Variants in HHIPL1 observed in about 807,000 individuals in gnomAD.
HHIPL1 encodes HHIP-like protein 1.
A neutral mutation model predicts 61.8 loss-of-function variants in HHIPL1; 43 were observed. That is an observed-to-expected ratio of 0.70 (90% CI 0.55 to 0.90). HHIPL1 has a LOEUF of 0.90. Ranked by LOEUF, HHIPL1 falls within the 40% of genes least tolerant of loss-of-function variation. The pLI is 0.00. For missense variants in HHIPL1, 1,056 were observed against 1,157.7 expected (o/e 0.91, Z 1.28); for synonymous variants, 482 against 515.8 (o/e 0.93, Z 0.89).
rs1012353935 is a variant in HHIPL1, at chr14:99,678,787, A to G, written c.*3161A>G. On this transcript the variant is annotated 3_prime_UTR_variant, in exon 9 of 9. Transcript: ENST00000330710. ...TACTATGTGCCTGTGAGCACGTCTA[A>G]CAGTTACATAGAATAGGGCTTGACA... 5 of 152,390 alleles carry G rather than the reference A, an allele frequency of 3.3e-5. No homozygotes were observed. The highest frequency in any genetic ancestry group is 2.6e-4 in the Admixed American group (4 of 15,312). 9.4% of individuals were successfully genotyped at this position (152,390 alleles called of 1,614,324 possible).
chr14:99,615,674 A>G, the HHIPL1 span, among the ~76,000 whole-genome samples: 1 of 151,554 alleles, frequency 6.6e-6, no homozygotes, highest in Non-Finnish European at 1.5e-5. Context: ...AGAAAAAGAA[A>G]GAAGGAAGGA....
At chr14:99,665,969 A>T (rs1184714225) in intron 6 of HHIPL1, among the ~76,000 whole-genome samples, 1 of 151,540 alleles carries the variant, frequency 6.6e-6, no homozygotes, top group Non-Finnish European at 1.5e-5. Flanking sequence ...TTTAGTAGAG[A>T]TGGGGTTTCA....
chr14:99,646,433 C>A (rs1245636334), intron 1 of HHIPL1, among the ~76,000 whole-genome samples: 2 of 152,358 alleles, frequency 1.3e-5, no homozygotes, highest in East Asian at 1.9e-4. Flanking sequence ...GGCTCTGTCA[C>A]TTCCCCAGCT....
Position 99,659,343 on chromosome 14 carries a change from C to T in HHIPL1, c.1047-85C>T, listed in dbSNP as rs565775119. ...CCCTGCACCTGGCTCAGCGGTCAGC[C>T]GGCGCCCCAGCACCTGCCCCGCGGA... On this transcript the variant is annotated intron_variant, in intron 3 of 8. Transcript: ENST00000330710. 160 of 1,127,044 alleles carry T rather than the reference C, an allele frequency of 1.4e-4. No individual in the cohort carries two copies. The African/African-American group carries it at 2.6e-3, about 18-fold the overall frequency. The allele number at this position is 1,127,044 out of a possible 1,614,324, so 69.8% of individuals were successfully genotyped here. A position where few individuals can be genotyped will look rare whatever the true frequency, so the allele number is the denominator to read the frequency against.
chr14:99,661,195 G>A (rs1040662055), intron 5 of HHIPL1, among the ~76,000 whole-genome samples: 1 of 152,176 alleles, frequency 6.6e-6, no homozygotes, highest in Non-Finnish European at 1.5e-5. Flanking sequence ...CCAAGGGCAG[G>A]CTGAGACGGC....
chr14:99,636,113 G>T, the HHIPL1 span, among the ~76,000 whole-genome samples: 2 of 152,292 alleles, frequency 1.3e-5, no homozygotes, highest in South Asian at 2.1e-4. Flanking sequence ...ACTAGCTGTT[G>T]TCACCTCTCT....
rs2140075860 is a variant in HHIPL1, at chr14:99,660,267, T to C, written c.1376-13T>C. 6.2e-7 allele frequency: 1 copy of C among 1,611,862 alleles called. No homozygotes were observed. Among genetic ancestry groups the C allele is most frequent in the East Asian group, 2.2e-5 (1 of 44,724 alleles). ...GCTGGCTCACCGAAGCTTCTCTCCC[T>C]CCCACCCCGCAGATGACTTGCTGCC... On this transcript the variant is annotated splice_polypyrimidine_tract_variant and intron_variant, in intron 4 of 8. Coordinates refer to ENST00000330710, the MANE Select transcript of HHIPL1 (RefSeq NM_001127258.3). This position sits in a 1 kb window ranked among gnomAD's most constrained non-coding sequence, Gnocchi z 4.9.
At chr14:99,639,070 C>T in the HHIPL1 span, among the ~76,000 whole-genome samples, 1 of 152,362 alleles carries the variant, frequency 6.6e-6, no homozygotes, top group African/African-American at 2.4e-5. Context: ...TAATAAGATG[C>T]CTAGCACGTG....
chr14:99,622,578 CCCAACCTGTCTGGCTCCCA>C, the HHIPL1 span, among the ~76,000 whole-genome samples: 1 of 152,218 alleles, frequency 6.6e-6, no homozygotes, highest in Non-Finnish European at 1.5e-5. Context: ...CCATGCTCCC[CCCAACCTGTCTGGCTCCCA>C]CCAAACCCCA....
At chr14:99,673,921 G>A (rs1382986040) in intron 8 of HHIPL1, among the ~76,000 whole-genome samples, 2 of 144,738 alleles carry the variant, frequency 1.4e-5, no homozygotes, top group Admixed American at 6.8e-5. Context: ...CTGGCACCAA[G>A]AGGGAGGTTC....
In HHIPL1 at chr14:99,678,673, A is replaced by C. The variant is rs2056412963; in HGVS notation, c.*3047A>C. On this transcript the variant is annotated 3_prime_UTR_variant, in exon 9 of 9. Coordinates refer to ENST00000330710, the MANE Select transcript of HHIPL1 (RefSeq NM_001127258.3). ...CTTAGAAAAGTAATAATATTCCCAA[A>C]TAAGGAAGGGGTATAGGCTGTGAGC... 6.6e-6 allele frequency: 1 copy of C among 152,252 alleles called. No homozygotes were observed. The highest frequency in any genetic ancestry group is 1.5e-5 in the Non-Finnish European group (1 of 68,042). 9.4% of individuals were successfully genotyped at this position (152,252 alleles called of 1,614,324 possible).
chr14:99,656,846 AGG>A (rs1566809964), intron 2 of HHIPL1, among the ~76,000 whole-genome samples, 152 bp from the exon 3 acceptor site: 1,249 of 14,398 alleles, frequency 0.087, 286 homozygotes, highest in South Asian at 0.13. Context: ...AAAGGAAGGA[AGG>A]AAGGAAGGAA....
Position 99,670,461 on chromosome 14 carries a change from T to C in HHIPL1, c.1731-1856T>C, listed in dbSNP as rs1162337733. On this transcript the variant is annotated intron_variant, in intron 7 of 8. Coordinates refer to ENST00000330710, the MANE Select transcript of HHIPL1 (RefSeq NM_001127258.3). ...TTCTAGTTGTTCCCCAATGCCCTTT[T>C]CCTGTTCCAGGATCCTGTGTTGCCT... Among the ~76,000 whole-genome samples, 4 of 152,244 alleles carry C rather than the reference T, an allele frequency of 2.6e-5. No individual in the cohort carries two copies. In the South Asian group the frequency reaches 6.2e-4, roughly 24 times the overall value.
rs748601832 is a variant in HHIPL1 at position 99,679,269 on chromosome 14, C to T, written c.*3643C>T. 1 of 152,266 alleles carries T rather than the reference C, an allele frequency of 6.6e-6. No homozygotes were observed. The highest frequency in any genetic ancestry group is 2.4e-5 in the African/African-American group (1 of 41,444). The allele number at this position is 152,266 out of a possible 1,614,324, so 9.4% of individuals were successfully genotyped here. A position where few individuals can be genotyped will look rare whatever the true frequency, so the allele number is the denominator to read the frequency against. On this transcript the variant is annotated 3_prime_UTR_variant, in exon 9 of 9. Coordinates refer to ENST00000330710, the MANE Select transcript of HHIPL1 (RefSeq NM_001127258.3). ...TTTCACTCCACCACCTACAGCTGGC[C>T]GCTGAGGGAGCATTCACATGTGACT... is the stretch of plus-strand genomic sequence containing the variant.
upstream of HHIPL1, among the ~76,000 whole-genome samples, chr14:99,644,442 G>T (rs1391665428): frequency 1.4e-5 from 2 of 144,874 alleles, no homozygotes; most frequent in African/African-American, 5.2e-5. Flanking sequence ...GTAAGACAGC[G>T]TGTGTGCGTC....
the HHIPL1 span, among the ~76,000 whole-genome samples, chr14:99,637,209 A>C: frequency 1.3e-5 from 1 of 77,464 alleles, no homozygotes; most frequent in Non-Finnish European, 2.9e-5. Context: ...AGGAAGAAAG[A>C]AAGAAAGAAA....
At chr14:99,642,756 C>T (rs1315775118), upstream of HHIPL1, among the ~76,000 whole-genome samples, 1 of 151,920 alleles carries the variant, frequency 6.6e-6, no homozygotes. Context: ...GATCTCCTGA[C>T]ATCGTGATCC....
At chr14:99,671,371 G>A (rs909726220) in intron 7 of HHIPL1, among the ~76,000 whole-genome samples, 6 of 152,170 alleles carry the variant, frequency 3.9e-5, no homozygotes, top group African/African-American at 1.2e-4. Flanking sequence ...GGAGGTCAGA[G>A]CAAGAAAAAA....
chr14:99,680,254 T>TC lies in HHIPL1; in HGVS notation c.*4632dup, dbSNP rs35599432. The TC allele has an allele frequency of 0.67, 102,496 of 152,070 alleles. 35,463 individuals carry two copies. Among genetic ancestry groups the TC allele is most frequent in the South Asian group, 0.84 (4,030 of 4,822 alleles). The allele number at this position is 152,070 out of a possible 1,614,324, so 9.4% of individuals were successfully genotyped here. ...CAGAGCCACCTCTTATGCCTGCATC[T>TC]CCCCAACAATTCCTGCTGGGAAACC... On this transcript the variant is annotated 3_prime_UTR_variant, in exon 9 of 9. Transcript: ENST00000330710.
Sources: allele counts gnomAD v4.1 joint callset (sites outside exome capture counted in the v4.1 genomes callset), GRCh38; gene constraint gnomAD v4.1.1; non-coding constraint Gnocchi (gnomAD v3.1); transcripts MANE v1.5; gene names NCBI Gene and HGNC (gene_info 2026-07-23, HGNC 2026-07-21).